The following LRRK2 variants were observed in gnomAD, a reference collection of about 807,000 sequenced individuals.
LRRK2 encodes leucine rich repeat kinase 2, also known as leucine-rich repeat serine/threonine-protein kinase 2.
Under a neutral mutation model 302.6 loss-of-function variants are expected in LRRK2, and 203 were observed. That is an observed-to-expected ratio of 0.67 (90% CI 0.60 to 0.75). The LOEUF is 0.75. Ranked by LOEUF, LRRK2 falls within the 30% of genes least tolerant of loss-of-function variation. LRRK2 has a pLI of 0.00. For synonymous variants in LRRK2, 1,066 were observed against 1,031.9 expected (o/e 1.03, Z -0.63); for missense variants, 2,830 against 2,951.0 (o/e 0.96, Z 0.95).
At chr12:40,231,592 A>C (rs1450797895) in intron 2 of LRRK2, among the ~76,000 whole-genome samples, 6 of 144,478 alleles carry the variant, frequency 4.2e-5, no homozygotes, top group Admixed American at 1.4e-4. Flanking sequence ...AAAAAAAAAA[A>C]CAAGAAAAAA....
chr12:40,230,941 G>A (rs182794383), intron 2 of LRRK2, among the ~76,000 whole-genome samples: 152 of 152,198 alleles, frequency 1.0e-3, no homozygotes, highest in African/African-American at 3.4e-3. Flanking sequence ...CCTACTAGGG[G>A]TGTCTGTGAT....
At chr12:40,301,493 C>T (rs963462733) in intron 25 of LRRK2, among the ~76,000 whole-genome samples, 5 of 152,194 alleles carry the variant, frequency 3.3e-5, no homozygotes, top group Non-Finnish European at 7.4e-5. Context: ...TGAGTGTTTT[C>T]CATACAGCAT....
Position 40,351,669 on chromosome 12 carries a change from G to T in LRRK2, c.6512G>T (p.Cys2171Phe). Reference sequence around the variant, plus strand: ...AGGAATGCAAGCATTTGGCTGGGCTGTGGGCACACCGACAGAGGACAGCTC... The same window carrying T: ...AGGAATGCAAGCATTTGGCTGGGCTTTGGGCACACCGACAGAGGACAGCTC... ...NSRNASIWLG[C>F]GHTDRGQLSF... The change falls in exon 44 of 51, where the codon TGT becomes TTT. Residue 2171 changes from cysteine to phenylalanine, a missense_variant. Physicochemically the swap from Cys to Phe is radical, Grantham distance 205. Transcript: ENST00000298910. 6.2e-7 allele frequency: 1 copy of T among 1,614,178 alleles called. No homozygotes were observed. The highest frequency in any genetic ancestry group is 8.5e-7 in the Non-Finnish European group (1 of 1,180,022).
intron 35 of LRRK2, 130 bp downstream of exon 35, chr12:40,321,318 G>A (rs1945393999): frequency 2.2e-6 from 2 of 900,332 alleles, no homozygotes; most frequent in Admixed American, 5.4e-5. Context: ...TTGTTTGGAA[G>A]GCAGCTGAAG....
intron 3 of LRRK2, among the ~76,000 whole-genome samples, chr12:40,233,344 G>A (rs1941291559): frequency 6.6e-6 from 1 of 152,188 alleles, no homozygotes; most frequent in African/African-American, 2.4e-5. Flanking sequence ...TATGGTTTAT[G>A]AAAATTTAAT....
At chr12:40,236,542 A>G (rs970868598) in intron 4 of LRRK2, among the ~76,000 whole-genome samples, 11 of 152,170 alleles carry the variant, frequency 7.2e-5, no homozygotes, top group Admixed American at 2.0e-4. Flanking sequence ...GGCCGCTCAC[A>G]GGGAGCTAAT....
intron 43 of LRRK2, among the ~76,000 whole-genome samples, chr12:40,348,812 A>G (rs1434583534): frequency 6.6e-6 from 1 of 152,242 alleles, no homozygotes; most frequent in East Asian, 1.9e-4. Flanking sequence ...ATTTTTATAT[A>G]TAACATACTA....
chr12:40,273,487 G>A (rs942505577), intron 14 of LRRK2, among the ~76,000 whole-genome samples: 1 of 152,130 alleles, frequency 6.6e-6, no homozygotes, highest in Non-Finnish European at 1.5e-5. Flanking sequence ...ATAATTGAGA[G>A]GCATTAGGGG....
chr12:40,319,899 T>G, intron 33 of LRRK2, 89 bp from the exon 34 acceptor site: 2 of 1,289,914 alleles, frequency 1.6e-6, no homozygotes, highest in South Asian at 2.7e-5. Context: ...TCTGACTACT[T>G]TCACTGAGCA....
At chr12:40,357,732 A>G (rs2137022038) in intron 46 of LRRK2, among the ~76,000 whole-genome samples, 1 of 152,116 alleles carries the variant, frequency 6.6e-6, no homozygotes, top group East Asian at 1.9e-4. Flanking sequence ...ATTGGCCATT[A>G]CTATGTCTTC....
Position 40,283,987 on chromosome 12 carries a change from A to C in LRRK2, c.2354A>C (p.Gln785Pro), listed in dbSNP as rs1943811481. Residue 785 changes from glutamine (Q) to proline (P), a missense_variant, in exon 19 of 51, where the codon CAG becomes CCG. Gln to Pro is a moderately conservative substitution (Grantham distance 76). This residue lies in a region of LRRK2 where 2,121 missense variants were observed against 2,148.0 expected (regional missense o/e 0.99). Transcript: ENST00000298910. ...LTISIGKGDS[Q>P]IISLLLRRLA... ...ATAAGCATTGGGAAAGGTGACAGCC[A>C]GATCATCAGCTTGCTCTTAAGGAGG... 1 of 1,613,962 alleles carries C rather than the reference A, an allele frequency of 6.2e-7. No homozygotes were observed. Among genetic ancestry groups the C allele is most frequent in the Non-Finnish European group, 8.5e-7 (1 of 1,179,936 alleles).
Position 40,350,052 on chromosome 12 carries a change from G to C in LRRK2, c.6382-1487G>C, listed in dbSNP as rs920000548. Among the ~76,000 whole-genome samples, 4 of 152,126 alleles carry C rather than the reference G, an allele frequency of 2.6e-5. No individual in the cohort carries two copies. The East Asian group carries it at 7.7e-4, about 29-fold the overall frequency. ...AGTAGCAATTTTTCAGCAACCTTTT[G>C]CTCCCTCTCCCCGCTCCCTGCACAG... On this transcript the variant is annotated intron_variant, in intron 43 of 50. Coordinates refer to ENST00000298910, the MANE Select transcript of LRRK2 (RefSeq NM_198578.4).
Position 40,299,233 on chromosome 12 carries a change from T to A in LRRK2, c.3472T>A (p.Phe1158Ile). The change falls in exon 25 of 51, where the codon TTC becomes ATC. Residue 1158 changes from phenylalanine (F) to isoleucine (I), a missense_variant. Physicochemically the swap from Phe to Ile is conservative, Grantham distance 21. This residue lies in a region of LRRK2 where 2,121 missense variants were observed against 2,148.0 expected (regional missense o/e 0.99). Coordinates refer to ENST00000298910, the MANE Select transcript of LRRK2 (RefSeq NM_198578.4). ...TGAGGCTTGTCCTAAAGTGGAGAGT[T>A]TCAGTGCCAGAATGAATTTTCTTGG... ...FLEACPKVES[F>I]SARMNFLAAM... The A allele has an allele frequency of 1.9e-6, 3 of 1,613,462 alleles. No individual in the cohort carries two copies. The highest frequency in any genetic ancestry group is 2.5e-6 in the Non-Finnish European group (3 of 1,179,700).
At chr12:40,261,626 C>T (rs1484895374) in intron 13 of LRRK2, among the ~76,000 whole-genome samples, 1 of 152,110 alleles carries the variant, frequency 6.6e-6, no homozygotes, top group Non-Finnish European at 1.5e-5. Flanking sequence ...CCATGCCGTG[C>T]AGTACCGTAT....
At chr12:40,227,667 G>A (rs1940965450) in intron 2 of LRRK2, among the ~76,000 whole-genome samples, 1 of 152,072 alleles carries the variant, frequency 6.6e-6, no homozygotes, top group South Asian at 2.1e-4. Flanking sequence ...ATTCCATTGT[G>A]TATGTATACC....
At chr12:40,251,623 C>T in intron 10 of LRRK2, 79 bp downstream of exon 10, 1 of 1,221,358 alleles carries the variant, frequency 8.2e-7, no homozygotes. Flanking sequence ...TTAACCGTAA[C>T]TTTTATTGTT....
chr12:40,331,303 A>C (rs1945705290), intron 39 of LRRK2, among the ~76,000 whole-genome samples: 1 of 152,194 alleles, frequency 6.6e-6, no homozygotes, highest in South Asian at 2.1e-4. Context: ...TAGACTTTTA[A>C]GGGCTGCATA....
chr12:40,354,114 A>G (rs1277409543), intron 44 of LRRK2, among the ~76,000 whole-genome samples, 185 bp from the exon 45 acceptor site: 1 of 152,262 alleles, frequency 6.6e-6, no homozygotes, highest in Non-Finnish European at 1.5e-5. Context: ...TCATCTTGAT[A>G]GGCAAAACTT....
chr12:40,295,544 C>T lies in LRRK2; in HGVS notation c.2996C>T (p.Ala999Val), dbSNP rs1302295414. Residue 999 changes from alanine (A) to valine (V), a missense_variant, in exon 23 of 51, where the codon GCC (alanine) becomes GTC (valine). By Grantham distance (64) the Ala-to-Val change is moderately conservative. This residue lies in a region of LRRK2 where 2,121 missense variants were observed against 2,148.0 expected (regional missense o/e 0.99). Transcript: ENST00000298910. ...LSANELRDID[A>V]LSQKCCISVH... ...GCAAATGAACTAAGAGATATTGATG[C>T]CCTAAGCCAGAAATGCTGTATAAGT... 4 of 1,613,934 alleles carry T rather than the reference C, an allele frequency of 2.5e-6. No homozygotes were observed. Among genetic ancestry groups the T allele is most frequent in the Admixed American group, 3.3e-5 (2 of 59,972 alleles).
Sources: gnomAD v4.1 joint callset for allele counts (sites outside exome capture counted in the v4.1 genomes callset) on GRCh38, gnomAD v4.1.1 for gene constraint, gnomAD v4.1.1 regional missense constraint, MANE v1.5 for transcripts, NCBI Gene and HGNC (gene_info 2026-07-23, HGNC 2026-07-21) for gene names.